Variants in PALM2AKAP2 observed in about 807,000 individuals in gnomAD.
PALM2AKAP2 encodes the protein PALM2 and AKAP2 fusion.
Under a neutral mutation model 71.5 loss-of-function variants are expected in PALM2AKAP2, and 37 were observed. That is an observed-to-expected ratio of 0.52 (90% confidence interval 0.40 to 0.68). PALM2AKAP2 has a LOEUF of 0.68. Among genes scored for constraint, PALM2AKAP2 ranks in the 30% least tolerant of loss-of-function variants. The pLI, the probability that PALM2AKAP2 is intolerant of heterozygous loss-of-function variation, is 0.00. For synonymous variants in PALM2AKAP2, 468 were observed against 478.8 expected (o/e 0.98, Z 0.29); for missense variants, 1,224 against 1,191.8 (o/e 1.03, Z -0.40).
rs572715167 is a variant in PALM2AKAP2, at chr9:109,829,219, A to G, written c.46-38272A>G. Among the ~76,000 whole-genome samples the G allele has an allele frequency of 2.4e-4, 36 of 152,346 alleles. No homozygotes were observed. In the South Asian group the frequency reaches 7.5e-3, roughly 32 times the overall value. On this transcript the variant is annotated intron_variant, in intron 1 of 9. Transcript: ENST00000302798. Reference sequence around the variant, plus strand: ...CCTGAGACGCTCACCTCACTTCTCTATGGGTCAGCGAAACACATACCCTGT... The same window carrying G: ...CCTGAGACGCTCACCTCACTTCTCTGTGGGTCAGCGAAACACATACCCTGT...
chr9:109,841,182 T>A (rs986602987), intron 1 of PALM2AKAP2, among the ~76,000 whole-genome samples: 10 of 152,104 alleles, frequency 6.6e-5, no homozygotes, highest in South Asian at 4.2e-4. Flanking sequence ...AATACTATGC[T>A]GCCATAAAAA....
intron 3 of PALM2AKAP2, among the ~76,000 whole-genome samples, chr9:109,884,455 C>T (rs957370707): frequency 2.6e-5 from 4 of 151,998 alleles, no homozygotes; most frequent in South Asian, 2.1e-4. Flanking sequence ...AGTGAGACTA[C>T]ATTTCAAAGA....
At chr9:109,976,233 T>C (rs1466006053) in intron 6 of PALM2AKAP2, among the ~76,000 whole-genome samples, 1 of 152,238 alleles carries the variant, frequency 6.6e-6, no homozygotes, top group Non-Finnish European at 1.5e-5. Context: ...TACTGAGCAC[T>C]TAATATATGC....
At chr9:109,739,091 G>C (rs1828680772) in intron 1 of PALM2AKAP2, among the ~76,000 whole-genome samples, 1 of 152,136 alleles carries the variant, frequency 6.6e-6, no homozygotes, top group African/African-American at 2.4e-5. Context: ...GATAAGAAAT[G>C]GTTAAAATTA....
At chr9:109,807,565 T>A (rs1382794342) in intron 1 of PALM2AKAP2, among the ~76,000 whole-genome samples, 1 of 151,796 alleles carries the variant, frequency 6.6e-6, no homozygotes, top group Non-Finnish European at 1.5e-5. Context: ...GGACCTTTTT[T>A]TTTTTTTTGT....
At chr9:110,028,423 G>A (rs1057379479) in intron 7 of PALM2AKAP2, among the ~76,000 whole-genome samples, 3 of 152,166 alleles carry the variant, frequency 2.0e-5, no homozygotes, top group East Asian at 3.8e-4. Flanking sequence ...TGGGTTGAAC[G>A]TTTGCTTTGA....
At chr9:110,003,611 T>C (rs1832722512) in intron 6 of PALM2AKAP2, among the ~76,000 whole-genome samples, 1 of 151,978 alleles carries the variant, frequency 6.6e-6, no homozygotes, top group Admixed American at 6.5e-5. Context: ...CGTTGATCTG[T>C]CTAATGTTGA....
intron 1 of PALM2AKAP2, among the ~76,000 whole-genome samples, chr9:109,652,560 A>G (rs1460308885): frequency 1.3e-5 from 2 of 152,258 alleles, no homozygotes; most frequent in Non-Finnish European, 2.9e-5. Context: ...ATTTCTTTAT[A>G]GCAATGCAAA....
At chr9:109,661,546 A>T (rs1827396379) in intron 1 of PALM2AKAP2, among the ~76,000 whole-genome samples, 1 of 152,184 alleles carries the variant, frequency 6.6e-6, no homozygotes, top group South Asian at 2.1e-4. Context: ...TACCAGTACC[A>T]TGCTGTTTTG....
rs528439759 is a variant in PALM2AKAP2 at position 110,108,229 on chromosome 9, C to T, written c.157-27898C>T. ...CTCCCGGGTTCAAGTGATTCTGTCT[C>T]ATCCTCCTGAGTAGCTGGGATTAAG... On this transcript the variant is annotated intron_variant, in intron 1 of 3. Coordinates refer to ENST00000374525, the Ensembl canonical transcript of PALM2AKAP2. 4.6e-5 allele frequency among the ~76,000 whole-genome samples: 7 copies of T among 151,452 alleles called. No individual in the cohort carries two copies. The East Asian group carries it at 5.9e-4, about 13-fold the overall frequency.
At chr9:109,661,893 G>A (rs540184668) in intron 1 of PALM2AKAP2, among the ~76,000 whole-genome samples, 15 of 152,298 alleles carry the variant, frequency 9.8e-5, no homozygotes, top group Non-Finnish European at 1.9e-4. Context: ...TCCCTTGTAA[G>A]TTGGATTCCT....
At chr9:109,843,802 C>T (rs928805132) in intron 1 of PALM2AKAP2, among the ~76,000 whole-genome samples, 2 of 152,216 alleles carry the variant, frequency 1.3e-5, no homozygotes, top group African/African-American at 4.8e-5. Context: ...CAGCTGTTCA[C>T]ACCGAGTTCC....
intron 1 of PALM2AKAP2, among the ~76,000 whole-genome samples, chr9:110,049,698 G>T (rs1159269039): frequency 6.6e-6 from 1 of 152,216 alleles, no homozygotes; most frequent in Non-Finnish European, 1.5e-5. Flanking sequence ...CGACGCGCCT[G>T]CAAGAACCAG....
chr9:110,129,306 C>T (rs1835683432), intron 1 of PALM2AKAP2, among the ~76,000 whole-genome samples: 1 of 152,166 alleles, frequency 6.6e-6, no homozygotes, highest in Non-Finnish European at 1.5e-5. Flanking sequence ...TTCAAGCAAG[C>T]AAAAGATCAA....
chr9:109,643,004 A>G (rs371780711), intron 1 of PALM2AKAP2, among the ~76,000 whole-genome samples: 1 of 151,924 alleles, frequency 6.6e-6, no homozygotes, highest in East Asian at 1.9e-4. Flanking sequence ...GTGACAGAGC[A>G]AAACCTCATC....
At chr9:109,783,312 G>C (rs992820552) in intron 1 of PALM2AKAP2, among the ~76,000 whole-genome samples, 3 of 132,300 alleles carry the variant, frequency 2.3e-5, no homozygotes, top group Non-Finnish European at 4.6e-5. Context: ...AGTGGAATGT[G>C]TATTAATGAC....
At chr9:110,145,845 G>A (rs565490728) in intron 2 of PALM2AKAP2, among the ~76,000 whole-genome samples, 23 of 142,158 alleles carry the variant, frequency 1.6e-4, no homozygotes, top group African/African-American at 6.1e-4. Flanking sequence ...TAAAGGCTTG[G>A]AAAAGACAAC....
intron 1 of PALM2AKAP2, among the ~76,000 whole-genome samples, chr9:110,110,786 A>T (rs1388703240): frequency 6.6e-6 from 1 of 151,802 alleles, no homozygotes; most frequent in East Asian, 1.9e-4. Flanking sequence ...CCCTCAAATG[A>T]TCCACCTGCC....
At chr9:109,643,153 C>G (rs1412834059) in intron 1 of PALM2AKAP2, among the ~76,000 whole-genome samples, 1 of 152,066 alleles carries the variant, frequency 6.6e-6, no homozygotes, top group Non-Finnish European at 1.5e-5. Flanking sequence ...GCCTGAAGGG[C>G]AATTGAGAGT....
Sources: gnomAD v4.1 joint callset for allele counts (sites outside exome capture counted in the v4.1 genomes callset) on GRCh38, gnomAD v4.1.1 for gene constraint, MANE v1.5 for transcripts, NCBI Gene and HGNC (gene_info 2026-07-23, HGNC 2026-07-21) for gene names.